CFAP299: variants seen among roughly 807,000 people sequenced by gnomAD.
CFAP299 encodes the protein cilia and flagella associated protein 299.
In CFAP299, 21 loss-of-function variants were observed where a neutral mutation model predicts 27.0. The observed-to-expected ratio is 0.78, with a 90% CI of 0.55 to 1.12. The LOEUF is 1.12. Among genes scored for constraint, CFAP299 ranks in the 50% most tolerant of loss-of-function variants. The pLI is 0.00. For synonymous variants in CFAP299, 104 were observed against 98.1 expected (o/e 1.06, Z -0.36); for missense variants, 310 against 276.6 (o/e 1.12, Z -0.86).
chr4:80,771,118 G>A (rs905043653), intron 3 of CFAP299, among the ~76,000 whole-genome samples: 5 of 152,114 alleles, frequency 3.3e-5, no homozygotes, highest in African/African-American at 1.2e-4. Flanking sequence ...CATGCGGGCC[G>A]TTTGAGAATT....
intron 3 of CFAP299, among the ~76,000 whole-genome samples, chr4:80,660,476 G>A (rs1282521800): frequency 3.3e-5 from 5 of 152,264 alleles, no homozygotes; most frequent in Non-Finnish European, 7.4e-5. Flanking sequence ...AATAATGTCA[G>A]GATGTTTTCT....
chr4:80,344,269 AAG>A (rs755646767), intron 1 of CFAP299, among the ~76,000 whole-genome samples: 6 of 152,058 alleles, frequency 3.9e-5, no homozygotes, highest in Admixed American at 6.6e-5. Context: ...GTAAAAAAAA[AAG>A]AGAGAGAGAG....
chr4:80,323,115 C>A, the CFAP299 span, among the ~76,000 whole-genome samples: 1 of 152,118 alleles, frequency 6.6e-6, no homozygotes, highest in African/African-American at 2.4e-5. Context: ...GGAAGAATGA[C>A]AAATTTCACC....
chr4:80,895,649 T>C (rs537873867), intron 4 of CFAP299, among the ~76,000 whole-genome samples: 187 of 152,152 alleles, frequency 1.2e-3, no homozygotes, highest in Middle Eastern at 3.4e-3. Context: ...TAAAAATGTG[T>C]ACCAATGATA....
At chr4:80,869,239 A>G (rs1732933851) in intron 3 of CFAP299, among the ~76,000 whole-genome samples, 1 of 152,082 alleles carries the variant, frequency 6.6e-6, no homozygotes. Flanking sequence ...AGGGCTGAGG[A>G]TTGAAGTCTG....
At chr4:80,761,123 A>G (rs971867580) in intron 3 of CFAP299, among the ~76,000 whole-genome samples, 3 of 152,206 alleles carry the variant, frequency 2.0e-5, no homozygotes, top group Admixed American at 6.5e-5. Flanking sequence ...GCCATTTTAA[A>G]ATTTCCCTGA....
At chr4:80,691,413 C>T (rs1249696120) in intron 3 of CFAP299, among the ~76,000 whole-genome samples, 4 of 149,328 alleles carry the variant, frequency 2.7e-5, no homozygotes, top group African/African-American at 2.5e-5. Flanking sequence ...AAATGTAATC[C>T]AGCATATAAA....
intron 1 of CFAP299, among the ~76,000 whole-genome samples, chr4:80,341,731 A>G (rs1323631733): frequency 6.6e-6 from 1 of 152,270 alleles, no homozygotes; most frequent in South Asian, 2.1e-4. Context: ...CATTGCAAAA[A>G]TGCTGAAACT....
At chr4:80,931,729 C>A (rs988544406) in intron 4 of CFAP299, among the ~76,000 whole-genome samples, 6 of 151,880 alleles carry the variant, frequency 4.0e-5, no homozygotes, top group Non-Finnish European at 5.9e-5. Context: ...CGCACACACA[C>A]ACACACACAC....
intron 2 of CFAP299, among the ~76,000 whole-genome samples, chr4:80,458,110 AAAAG>A (rs929565573): frequency 1.3e-5 from 2 of 152,204 alleles, no homozygotes; most frequent in Non-Finnish European, 2.9e-5. Context: ...CTCCAGAAAA[AAAAG>A]AAAGAGAGAC....
At chr4:80,903,549 T>C (rs772163389) in intron 4 of CFAP299, among the ~76,000 whole-genome samples, 31 of 152,054 alleles carry the variant, frequency 2.0e-4, no homozygotes, top group Non-Finnish European at 4.4e-4. Context: ...CACCCTAAGA[T>C]ATTACTATTA....
intron 2 of CFAP299, among the ~76,000 whole-genome samples, chr4:80,366,376 A>G (rs754003031): frequency 5.3e-5 from 8 of 152,222 alleles, no homozygotes; most frequent in Non-Finnish European, 8.8e-5. Flanking sequence ...ATAGCTTCAC[A>G]GGGGAAAAAG....
At chr4:80,450,305 G>A (rs558450898) in intron 2 of CFAP299, among the ~76,000 whole-genome samples, 1 of 152,228 alleles carries the variant, frequency 6.6e-6, no homozygotes, top group East Asian at 1.9e-4. Context: ...ATTGATATAT[G>A]TGCCAAATAT....
chr4:80,914,662 A>G (rs1735658619), intron 4 of CFAP299, among the ~76,000 whole-genome samples: 1 of 152,156 alleles, frequency 6.6e-6, no homozygotes, highest in Non-Finnish European at 1.5e-5. Flanking sequence ...ATGAGCTTAT[A>G]TATAGGACCC....
chr4:80,440,367 A>G (rs918995428), intron 2 of CFAP299, among the ~76,000 whole-genome samples: 4 of 151,548 alleles, frequency 2.6e-5, no homozygotes, highest in African/African-American at 9.8e-5. Context: ...GCAAGCAGCA[A>G]TCTTTGCTGC....
At chr4:80,681,188 T>C (rs1485549414) in intron 3 of CFAP299, among the ~76,000 whole-genome samples, 2 of 152,206 alleles carry the variant, frequency 1.3e-5, no homozygotes, top group Non-Finnish European at 2.9e-5. Flanking sequence ...TCCTTGTAAC[T>C]GTTATTGTTT....
intron 3 of CFAP299, among the ~76,000 whole-genome samples, chr4:80,774,813 A>G (rs1417026461): frequency 6.6e-6 from 1 of 152,040 alleles, no homozygotes; most frequent in African/African-American, 2.4e-5. Flanking sequence ...ACAATCTTTG[A>G]TCTAGTGATT....
chr4:80,563,746 C>T (rs899223888), intron 2 of CFAP299, among the ~76,000 whole-genome samples: 9 of 151,706 alleles, frequency 5.9e-5, no homozygotes, highest in African/African-American at 1.9e-4. Flanking sequence ...CACAAAATAT[C>T]AATGAAACAA....
At chr4:80,828,542 C>G (rs1730119345) in intron 3 of CFAP299, among the ~76,000 whole-genome samples, 1 of 151,958 alleles carries the variant, frequency 6.6e-6, no homozygotes, top group South Asian at 2.1e-4. Flanking sequence ...TCCCTCATGG[C>G]TTATTGCTGT....
Sources: gnomAD v4.1 joint callset for allele counts (sites outside exome capture counted in the v4.1 genomes callset) on GRCh38, gnomAD v4.1.1 for gene constraint, MANE v1.5 for transcripts, NCBI Gene and HGNC (gene_info 2026-07-23, HGNC 2026-07-21) for gene names.